PTPRK: variants seen among roughly 807,000 people sequenced by gnomAD.
The protein encoded by PTPRK is protein tyrosine phosphatase receptor type K.
PTPRK carries 75 observed loss-of-function variants against 178.0 expected under a neutral mutation model. The observed-to-expected ratio is 0.42, with a 90% CI of 0.35 to 0.51. The LOEUF (loss-of-function observed/expected upper bound fraction) is 0.51, where lower values mean the gene tolerates loss of function less well. Ranked by LOEUF, PTPRK falls within the 20% of genes least tolerant of loss-of-function variation. PTPRK has a pLI of 0.02. For synonymous variants in PTPRK, 637 were observed against 620.6 expected (o/e 1.03, Z -0.39); for missense variants, 1,441 against 1,797.8 (o/e 0.80, Z 3.59).
chr6:128,143,869 A>C (rs1796111327), intron 7 of PTPRK, among the ~76,000 whole-genome samples: 1 of 152,210 alleles, frequency 6.6e-6, no homozygotes, highest in Non-Finnish European at 1.5e-5. Flanking sequence ...AAAACAGCTG[A>C]AAGTGGCTGG....
chr6:127,999,996 G>T, intron 15 of PTPRK: 1 of 937,182 alleles, frequency 1.1e-6, no homozygotes, highest in Non-Finnish European at 1.3e-6. Context: ...TGCCTATGAA[G>T]AATAAACAGT....
intron 10 of PTPRK, among the ~76,000 whole-genome samples, chr6:128,081,651 C>G (rs539402488): frequency 1.3e-4 from 19 of 151,834 alleles, no homozygotes; most frequent in Non-Finnish European, 2.4e-4. Context: ...TGTGGTTGAC[C>G]TTTAAATAAT....
chr6:128,348,108 A>G (rs1832658365), intron 2 of PTPRK, among the ~76,000 whole-genome samples: 1 of 152,078 alleles, frequency 6.6e-6, no homozygotes, highest in Admixed American at 6.6e-5. Flanking sequence ...GGAGAATAAA[A>G]ATATTCAAGA....
intron 13 of PTPRK, among the ~76,000 whole-genome samples, chr6:128,031,581 T>G (rs996220284): frequency 1.3e-5 from 2 of 152,298 alleles, no homozygotes; most frequent in East Asian, 3.9e-4. Flanking sequence ...TTGTTGTTAT[T>G]GTTGGGGAGG....
At chr6:128,037,587 T>A in intron 13 of PTPRK, among the ~76,000 whole-genome samples, 1 of 152,208 alleles carries the variant, frequency 6.6e-6, no homozygotes, top group East Asian at 1.9e-4. Context: ...TCTAGCATTA[T>A]TAGAATTTTA....
chr6:128,115,508 AT>A (rs1791355545), intron 7 of PTPRK, among the ~76,000 whole-genome samples: 1 of 152,118 alleles, frequency 6.6e-6, no homozygotes, highest in African/African-American at 2.4e-5. Flanking sequence ...AAAGCTGATC[AT>A]AAAAATAAAA....
At position 128,102,581 on chromosome 6, in the gene PTPRK, T is replaced by G. The variant is rs550860880; in HGVS notation, c.1163-12589A>C. ...GCCATTTTAGACAGGAAAGAACTTC[T>G]ATTCAAATTGCCGTATTTATCTACT... On this transcript the variant is annotated intron_variant, in intron 7 of 29. Coordinates refer to ENST00000368226, the MANE Select transcript of PTPRK (RefSeq NM_002844.4). Among the ~76,000 whole-genome samples, 4 of 152,334 alleles carry G rather than the reference T, an allele frequency of 2.6e-5. 1 individual carries two copies. The South Asian group carries it at 8.3e-4, about 32-fold the overall frequency.
intron 7 of PTPRK, among the ~76,000 whole-genome samples, chr6:128,177,038 C>G (rs556913353): frequency 6.6e-6 from 1 of 151,682 alleles, no homozygotes; most frequent in Admixed American, 6.6e-5. Context: ...GAATTGAAGA[C>G]AGAAGTAAAT....
chr6:128,007,166 T>A (rs1408104578), intron 14 of PTPRK, among the ~76,000 whole-genome samples: 1 of 150,948 alleles, frequency 6.6e-6, no homozygotes, highest in Non-Finnish European at 1.5e-5. Flanking sequence ...ATGATAAACA[T>A]ACTTGTGATT....
chr6:128,395,871 G>C (rs1393831731), intron 2 of PTPRK, among the ~76,000 whole-genome samples: 1 of 152,062 alleles, frequency 6.6e-6, no homozygotes, highest in Non-Finnish European at 1.5e-5. Flanking sequence ...TGACAATTCA[G>C]AGTAAAAAGC....
chr6:128,065,294 T>C (rs1486173390), intron 12 of PTPRK, among the ~76,000 whole-genome samples: 1 of 152,244 alleles, frequency 6.6e-6, no homozygotes, highest in Admixed American at 6.5e-5. Context: ...GTGTAATTTA[T>C]CTGTTCTTTC....
At chr6:127,990,168 A>G (rs577011202) in intron 21 of PTPRK, among the ~76,000 whole-genome samples, 1 of 152,210 alleles carries the variant, frequency 6.6e-6, no homozygotes, top group African/African-American at 2.4e-5. Context: ...ACAAGGCACC[A>G]CTTATCCAAT....
At chr6:128,133,561 A>T (rs1794576111) in intron 7 of PTPRK, among the ~76,000 whole-genome samples, 1 of 152,208 alleles carries the variant, frequency 6.6e-6, no homozygotes, top group African/African-American at 2.4e-5. Flanking sequence ...TTTTTGGAAG[A>T]TAAGAAACAT....
chr6:128,034,839 T>G (rs575223043), intron 13 of PTPRK, among the ~76,000 whole-genome samples: 19 of 152,292 alleles, frequency 1.2e-4, no homozygotes, highest in African/African-American at 4.6e-4. Context: ...GTGGATTGTG[T>G]GAAATGTTTA....
At chr6:128,032,876 C>A (rs1437036535) in intron 13 of PTPRK, among the ~76,000 whole-genome samples, 1 of 152,142 alleles carries the variant, frequency 6.6e-6, no homozygotes, top group African/African-American at 2.4e-5. Flanking sequence ...AAAGCACCCT[C>A]AGGACAATAT....
intron 3 of PTPRK, among the ~76,000 whole-genome samples, chr6:128,294,474 C>T (rs1164527215): frequency 6.6e-6 from 1 of 151,848 alleles, no homozygotes; most frequent in African/African-American, 2.4e-5. Flanking sequence ...CTTTAGAGTC[C>T]TCTTGGGTTT....
intron 2 of PTPRK, among the ~76,000 whole-genome samples, chr6:128,357,631 G>A (rs1380242656): frequency 6.6e-6 from 1 of 152,220 alleles, no homozygotes; most frequent in Non-Finnish European, 1.5e-5. Context: ...TTATAGACTA[G>A]TTGGCTCTTT....
chr6:128,018,884 T>C (rs981750405), intron 13 of PTPRK, among the ~76,000 whole-genome samples: 1 of 152,148 alleles, frequency 6.6e-6, no homozygotes, highest in African/African-American at 2.4e-5. Context: ...TGTTGAATTA[T>C]CTGATGGGTA....
chr6:127,985,478 G>A (rs1775847378), intron 22 of PTPRK, among the ~76,000 whole-genome samples: 1 of 152,166 alleles, frequency 6.6e-6, no homozygotes, highest in African/African-American at 2.4e-5. Flanking sequence ...AAAAGGCAGA[G>A]TTTCTATACT....
Sources: gnomAD v4.1 joint callset for allele counts (sites outside exome capture counted in the v4.1 genomes callset) on GRCh38, gnomAD v4.1.1 for gene constraint, MANE v1.5 for transcripts, NCBI Gene and HGNC (gene_info 2026-07-23, HGNC 2026-07-21) for gene names.